GULP1: variants seen among roughly 807,000 people sequenced by gnomAD.
The protein encoded by GULP1 is PTB domain-containing engulfment adapter protein 1.
In GULP1, 19 loss-of-function variants were observed where a neutral mutation model predicts 40.9. The observed-to-expected ratio is 0.46, with a 90% confidence interval of 0.32 to 0.68. The LOEUF is 0.68. Ranked by LOEUF, GULP1 falls within the 30% of genes least tolerant of loss-of-function variation. The pLI is 0.03. For missense variants in GULP1, 312 were observed against 362.2 expected (o/e 0.86, Z 1.12); for synonymous variants, 119 against 117.6 (o/e 1.01, Z -0.08).
intron 9 of GULP1, among the ~76,000 whole-genome samples, chr2:188,574,750 T>G (rs977311936): frequency 6.6e-6 from 1 of 152,186 alleles, no homozygotes; most frequent in African/African-American, 2.4e-5. Context: ...AAAGTTGAAT[T>G]TCCGTAATAC....
intron 6 of GULP1, among the ~76,000 whole-genome samples, chr2:188,532,269 G>A (rs986220294): frequency 6.6e-6 from 1 of 152,020 alleles, no homozygotes; most frequent in Admixed American, 6.6e-5. Context: ...TGATAATCAC[G>A]TTTAAATATT....
intron 1 of GULP1, among the ~76,000 whole-genome samples, chr2:188,371,993 G>C (rs1293440848): frequency 1.3e-5 from 1 of 78,426 alleles, no homozygotes; most frequent in Admixed American, 1.5e-4. Context: ...TTAAGAGGTA[G>C]CTACATCATT....
intron 1 of GULP1, among the ~76,000 whole-genome samples, chr2:188,307,223 A>G (rs1380898258): frequency 5.3e-5 from 8 of 152,296 alleles, no homozygotes; most frequent in Middle Eastern, 3.4e-3. Flanking sequence ...CAAATATGAT[A>G]TTTTATGAAA....
chr2:188,586,579 T>C (rs1441618512), intron 10 of GULP1, among the ~76,000 whole-genome samples: 1 of 152,150 alleles, frequency 6.6e-6, no homozygotes, highest in Admixed American at 6.5e-5. Context: ...TAAATTCCCA[T>C]TTGATTAGGA....
At chr2:188,509,732 C>T (rs754964551) in intron 4 of GULP1, among the ~76,000 whole-genome samples, 6 of 151,990 alleles carry the variant, frequency 3.9e-5, no homozygotes, top group Admixed American at 6.6e-5. Flanking sequence ...TAGAAAACTA[C>T]GCTGTGGCAA....
chr2:188,299,210 AGAGCAGGTGACTAAGGAGG>A (rs2035661940), intron 1 of GULP1, among the ~76,000 whole-genome samples: 1 of 151,448 alleles, frequency 6.6e-6, no homozygotes, highest in Non-Finnish European at 1.5e-5. Context: ...GACTAAGGAC[AGAGCAGGTGACTAAGGAGG>A]GAGCAGGTGA....
intron 11 of GULP1, chr2:188,593,026 T>A (rs934760099): frequency 6.6e-6 from 1 of 152,016 alleles, no homozygotes; most frequent in Non-Finnish European, 1.5e-5. Context: ...AAAGGTAGAG[T>A]ATGTAGAGAG....
chr2:188,509,546 A>T (rs937964625), intron 4 of GULP1, among the ~76,000 whole-genome samples: 1 of 152,056 alleles, frequency 6.6e-6, no homozygotes, highest in Admixed American at 6.6e-5. Flanking sequence ...TGAAGAGTAG[A>T]TTTTTCTCCT....
intron 2 of GULP1, among the ~76,000 whole-genome samples, chr2:188,396,478 C>T (rs1394839990): frequency 6.6e-6 from 1 of 152,226 alleles, no homozygotes; most frequent in Non-Finnish European, 1.5e-5. Context: ...CCACTCAGCT[C>T]CCCACACTGG....
At chr2:188,409,152 A>G (rs1010583686) in intron 2 of GULP1, among the ~76,000 whole-genome samples, 5 of 152,156 alleles carry the variant, frequency 3.3e-5, no homozygotes, top group African/African-American at 1.2e-4. Flanking sequence ...AATAAATGAA[A>G]TGGAGAATAG....
At chr2:188,352,285 A>G (rs1013473355) in intron 1 of GULP1, among the ~76,000 whole-genome samples, 2 of 152,256 alleles carry the variant, frequency 1.3e-5, no homozygotes, top group Non-Finnish European at 2.9e-5. Context: ...GAATATAACA[A>G]AAAGGTTGAG....
intron 2 of GULP1, among the ~76,000 whole-genome samples, chr2:188,411,769 C>A (rs2053924958): frequency 6.6e-6 from 1 of 152,196 alleles, no homozygotes; most frequent in Non-Finnish European, 1.5e-5. Context: ...AATCACACAT[C>A]TGGCCATTTC....
At chr2:188,437,688 G>A (rs971755529) in intron 2 of GULP1, among the ~76,000 whole-genome samples, 2 of 151,988 alleles carry the variant, frequency 1.3e-5, no homozygotes, top group African/African-American at 4.8e-5. Context: ...ATGCCCATCA[G>A]TGACAGATTG....
chr2:188,386,702 T>A (rs1388508419), intron 2 of GULP1, among the ~76,000 whole-genome samples: 1 of 152,204 alleles, frequency 6.6e-6, no homozygotes, highest in East Asian at 1.9e-4. Context: ...TTTTTATTGT[T>A]ATTGCTGAGT....
At chr2:188,506,152 A>G (rs181723055) in intron 4 of GULP1, among the ~76,000 whole-genome samples, 4 of 151,932 alleles carry the variant, frequency 2.6e-5, no homozygotes, top group African/African-American at 9.6e-5. Context: ...TGCCCTATTT[A>G]TACACTCCTT....
intron 9 of GULP1, among the ~76,000 whole-genome samples, chr2:188,578,867 C>G (rs1389773068): frequency 1.3e-5 from 2 of 152,064 alleles, no homozygotes; most frequent in African/African-American, 4.8e-5. Context: ...TTCTTCTCAA[C>G]AATGTATTTA....
At chr2:188,473,888 C>T (rs148620189) in intron 2 of GULP1, among the ~76,000 whole-genome samples, 125 of 152,270 alleles carry the variant, frequency 8.2e-4, no homozygotes, top group Middle Eastern at 6.8e-3. Context: ...TGCTGAGTCT[C>T]ACTTGAAGCC....
chr2:188,589,718 T>G, intron 11 of GULP1: 1 of 1,346,628 alleles, frequency 7.4e-7, no homozygotes, highest in Non-Finnish European at 1.0e-6. Flanking sequence ...TTTAAATTCT[T>G]TACTGCTTTC....
intron 2 of GULP1, among the ~76,000 whole-genome samples, chr2:188,411,539 C>A (rs146233776): frequency 6.6e-6 from 1 of 152,156 alleles, no homozygotes; most frequent in Admixed American, 6.5e-5. Context: ...AAAGGGTCAT[C>A]CTACCCAGTT....
Sources: allele counts gnomAD v4.1 joint callset (sites outside exome capture counted in the v4.1 genomes callset), GRCh38; gene constraint gnomAD v4.1.1; transcripts MANE v1.5; gene names NCBI Gene and HGNC (gene_info 2026-07-23, HGNC 2026-07-21).